Variants in NDST1 observed in about 807,000 individuals in gnomAD.
The protein encoded by NDST1 is N-deacetylase and N-sulfotransferase 1.
In NDST1, 35 loss-of-function variants were observed where a neutral mutation model predicts 92.8. That is an observed-to-expected ratio of 0.38 (90% CI 0.29 to 0.50). The LOEUF (loss-of-function observed/expected upper bound fraction) is 0.50, where lower values mean the gene tolerates loss of function less well. Ranked by LOEUF, NDST1 falls within the 20% of genes least tolerant of loss-of-function variation. The pLI is 0.94. For synonymous variants in NDST1, 493 were observed against 500.3 expected (o/e 0.99, Z 0.19); for missense variants, 822 against 1,182.7 (o/e 0.69, Z 4.47).
intron 2 of NDST1, among the ~76,000 whole-genome samples, chr5:150,525,090 C>G (rs1222620240): frequency 6.6e-6 from 1 of 152,220 alleles, no homozygotes; most frequent in African/African-American, 2.4e-5. Context: ...CTCCTCCTCC[C>G]TCTGCCTGGG....
chr5:150,510,537 G>A lies in NDST1; in HGVS notation c.-388+2311G>A, dbSNP rs528828875. On this transcript the variant is annotated intron_variant, in intron 1 of 14. Transcript: ENST00000261797. ...CCGTCCTTGGGACGGGAGGGTGGCA[G>A]GTGACCTGCCGTGTTCCCCACACAG... Among the ~76,000 whole-genome samples the A allele has an allele frequency of 3.9e-5, 6 of 152,338 alleles. No individual in the cohort carries two copies. The East Asian group carries it at 1.2e-3, about 29-fold the overall frequency.
exon 1 of NDST1, chr5:150,498,142 C>T: frequency 6.5e-6 from 1 of 152,766 alleles, no homozygotes. Context: ...TAGAAAGTAG[C>T]CTGGTGGCAG....
At chr5:150,529,619 C>T (rs1754632085) in intron 3 of NDST1, among the ~76,000 whole-genome samples, 1 of 152,086 alleles carries the variant, frequency 6.6e-6, no homozygotes, top group Non-Finnish European at 1.5e-5. Context: ...GATCAGTTGC[C>T]ATAAATAGAG....
chr5:150,555,040 G>A lies in NDST1; in HGVS notation c.*1708G>A, dbSNP rs1755842197. 6.5e-6 allele frequency: 1 copy of A among 152,824 alleles called. No individual in the cohort carries two copies. The highest frequency in any genetic ancestry group is 1.5e-5 in the Non-Finnish European group (1 of 68,238). The allele number at this position is 152,824 out of a possible 1,614,324, so 9.5% of individuals were successfully genotyped here. ...ACGGGTATGAAACAGGTCCAGAAAG[G>A]GGAGGTGGCCTGCTTGGCCGACGTC... is the stretch of plus-strand genomic sequence containing the variant. On this transcript the variant is annotated 3_prime_UTR_variant, in exon 15 of 15. Coordinates refer to ENST00000261797, the MANE Select transcript of NDST1 (RefSeq NM_001543.5).
chr5:150,549,599 C>G, intron 12 of NDST1, 79 bp from the exon 13 acceptor site: 1 of 809,998 alleles, frequency 1.2e-6, no homozygotes. Context: ...ATAAGCAGGC[C>G]CATTCCTGCT....
chr5:150,551,894 G>T (rs1479924175), intron 14 of NDST1, 39 bp downstream of exon 14: 1 of 1,608,574 alleles, frequency 6.2e-7, no homozygotes, highest in Non-Finnish European at 8.5e-7. Context: ...CCTGCATAAG[G>T]GTAAGGGGTC....
rs1482957141 is a variant in NDST1, at chr5:150,519,330, CT to C, written c.-387-1537del. Among the ~76,000 whole-genome samples the C allele has an allele frequency of 2.0e-5, 3 of 152,242 alleles. No homozygotes were observed. In the South Asian group the frequency reaches 6.2e-4, roughly 32 times the overall value. ...CTGGGCCCAAGCCTTGAATTCCCCC[CT>C]GGCCTCTTTAGCCCTGGCTCTTACA... On this transcript the variant is annotated intron_variant, in intron 1 of 14. Coordinates refer to ENST00000261797, the MANE Select transcript of NDST1 (RefSeq NM_001543.5).
chr5:150,540,820 C>CA (rs1755212766), intron 8 of NDST1, among the ~76,000 whole-genome samples: 2 of 150,684 alleles, frequency 1.3e-5, no homozygotes, highest in Non-Finnish European at 3.0e-5. Flanking sequence ...GTTTCAAAAA[C>CA]AAAAAACAAC....
chr5:150,524,429 T>A (rs925494983), intron 2 of NDST1, among the ~76,000 whole-genome samples: 2 of 152,258 alleles, frequency 1.3e-5, no homozygotes, highest in African/African-American at 4.8e-5. Context: ...GGATCCCTAC[T>A]TCCTGGCACT....
chr5:150,548,213 T>G lies in NDST1; in HGVS notation c.2146-5T>G, dbSNP rs1350931599. On this transcript the variant is annotated splice_region_variant and splice_polypyrimidine_tract_variant and intron_variant, in intron 11 of 14. Coordinates refer to ENST00000261797, the MANE Select transcript of NDST1 (RefSeq NM_001543.5). ...GGCATGCTGACCCTCTTTCCTTGCC[T>G]GCAGCACCAGCGAGCCCATGACGAC... The G allele has an allele frequency of 6.2e-7, 1 of 1,614,062 alleles. No individual in the cohort carries two copies. The highest frequency in any genetic ancestry group is 1.3e-5 in the African/African-American group (1 of 74,924).
chr5:150,504,808 C>T (rs997567972), upstream of NDST1, among the ~76,000 whole-genome samples: 1 of 152,200 alleles, frequency 6.6e-6, no homozygotes, highest in Non-Finnish European at 1.5e-5. Context: ...GAGTACAACA[C>T]CTGGTACCAA....
intron 3 of NDST1, among the ~76,000 whole-genome samples, chr5:150,531,389 G>A (rs1288841965): frequency 6.6e-6 from 1 of 152,306 alleles, no homozygotes; most frequent in Non-Finnish European, 1.5e-5. Context: ...GGCGGTGCAC[G>A]GCCCTGGTAA....
intron 1 of NDST1, among the ~76,000 whole-genome samples, chr5:150,519,491 T>A (rs570081870): frequency 3.1e-4 from 47 of 152,262 alleles, no homozygotes; most frequent in Non-Finnish European, 6.2e-4. Flanking sequence ...GCGAATCACC[T>A]GAGGTCAGGA....
chr5:150,539,938 G>T, intron 7 of NDST1, 144 bp from the exon 8 acceptor site: 3 of 1,242,582 alleles, frequency 2.4e-6, no homozygotes, highest in South Asian at 1.4e-5. Flanking sequence ...TACTCGCAGC[G>T]AGTTTGTTGA....
chr5:150,530,871 A>G (rs181402034), intron 3 of NDST1, among the ~76,000 whole-genome samples: 120 of 152,072 alleles, frequency 7.9e-4, no homozygotes, highest in African/African-American at 2.5e-3. Context: ...TATTTTTTCT[A>G]TTTTTAAAGT....
intron 9 of NDST1, among the ~76,000 whole-genome samples, chr5:150,542,490 C>T (rs752708119): frequency 3.9e-5 from 6 of 152,180 alleles, no homozygotes; most frequent in Non-Finnish European, 5.9e-5. Context: ...AGGCCCAGAG[C>T]TGGAAAGGAC....
chr5:150,512,802 A>T (rs1237607918), intron 1 of NDST1, among the ~76,000 whole-genome samples: 3 of 152,230 alleles, frequency 2.0e-5, no homozygotes, highest in African/African-American at 7.2e-5. Flanking sequence ...TGCAAGATAG[A>T]TAAGTAGTAT....
chr5:150,516,398 G>T (rs187961797), intron 1 of NDST1, among the ~76,000 whole-genome samples: 2 of 152,372 alleles, frequency 1.3e-5, no homozygotes, highest in Admixed American at 1.3e-4. Context: ...CTGTGTGCCA[G>T]GCGTGGTTCT....
rs761725626 is a variant in NDST1, at chr5:150,535,019, G to A, written c.1249G>A (p.Val417Ile). 1.2e-6 allele frequency: 2 copies of A among 1,613,878 alleles called. No individual in the cohort carries two copies. The highest frequency in any genetic ancestry group is 1.7e-5 in the Admixed American group (1 of 59,942). The change falls in exon 5 of 15, where the codon GTC becomes ATC. Residue 417 changes from valine to isoleucine, a missense_variant and splice_region_variant. Physicochemically the swap from Val to Ile is conservative, Grantham distance 29. Transcript: ENST00000261797. ...GATGGCCTTGAACAAGAAGTTCGCT[G>A]TCGTGAGTAAGATTCCTTGCAGGGC... ...EQMALNKKFA[V>I]EHGIPTDMGY...
Sources: allele counts gnomAD v4.1 joint callset (sites outside exome capture counted in the v4.1 genomes callset), GRCh38; gene constraint gnomAD v4.1.1; transcripts MANE v1.5; gene names NCBI Gene and HGNC (gene_info 2026-07-23, HGNC 2026-07-21).